The following INTS4 variants were observed in gnomAD, a reference collection of about 807,000 sequenced individuals.
INTS4 encodes the protein MSTP093.
INTS4 carries 70 observed loss-of-function variants against 119.5 expected under a neutral mutation model. That is an observed-to-expected ratio of 0.59 (90% CI 0.48 to 0.71). The LOEUF (loss-of-function observed/expected upper bound fraction) is 0.71. Ranked by LOEUF, INTS4 falls within the 30% of genes least tolerant of loss-of-function variation. The pLI is 0.00. For synonymous variants in INTS4, 316 were observed against 419.6 expected (o/e 0.75, Z 3.02); for missense variants, 867 against 1,173.2 (o/e 0.74, Z 3.81).
chr11:77,943,035 C>T (rs1223848998), intron 8 of INTS4, among the ~76,000 whole-genome samples: 1 of 152,138 alleles, frequency 6.6e-6, no homozygotes, highest in Non-Finnish European at 1.5e-5. Context: ...TAAATAAGAA[C>T]TATAAACGCT....
intron 4 of INTS4, among the ~76,000 whole-genome samples, chr11:77,971,204 A>G (rs1404863779): frequency 6.6e-6 from 1 of 152,096 alleles, no homozygotes; most frequent in Non-Finnish European, 1.5e-5. Context: ...GCACTGGATT[A>G]TTAGATTTTT....
chr11:77,925,877 C>T (rs1327719096), intron 11 of INTS4, among the ~76,000 whole-genome samples: 1 of 152,194 alleles, frequency 6.6e-6, no homozygotes, highest in African/African-American at 2.4e-5. Context: ...GTTATTCTCC[C>T]AGTCTTCACA....
chr11:77,900,250 C>G (rs543764692), intron 18 of INTS4, among the ~76,000 whole-genome samples: 1 of 152,034 alleles, frequency 6.6e-6, no homozygotes, highest in African/African-American at 2.4e-5. Flanking sequence ...CTGGTGCATG[C>G]CACCATGCCC....
chr11:77,933,368 G>A (rs1019038805), intron 10 of INTS4, among the ~76,000 whole-genome samples: 7 of 146,524 alleles, frequency 4.8e-5, no homozygotes, highest in African/African-American at 7.7e-5. Flanking sequence ...GATTGCAGGC[G>A]CGCGCCGCCA....
At chr11:77,922,214 T>G (rs1953379442) in intron 13 of INTS4, 142 bp downstream of exon 13, 1 of 974,184 alleles carries the variant, frequency 1.0e-6, no homozygotes, top group African/African-American at 1.9e-5. Flanking sequence ...GGTGACAGAA[T>G]GAGACTCTGT....
Position 77,930,187 on chromosome 11 carries a change from T to C in INTS4, c.1166-1640A>G, listed in dbSNP as rs554961230. Among the ~76,000 whole-genome samples the C allele has an allele frequency of 2.2e-3, 336 of 152,308 alleles. 2 individuals are homozygous for C. Among genetic ancestry groups the C allele is most frequent in the Non-Finnish European group, 3.5e-3 (241 of 68,024 alleles). ...ATTCCCATATGCTTCTGTAACAAAA[T>C]GGACTATTCCAAAACAAAATAAAAC... On this transcript the variant is annotated intron_variant, in intron 10 of 22. Coordinates refer to ENST00000534064, the MANE Select transcript of INTS4 (RefSeq NM_033547.4).
chr11:77,909,755 T>C (rs567136525), intron 15 of INTS4, among the ~76,000 whole-genome samples: 1 of 152,388 alleles, frequency 6.6e-6, no homozygotes, highest in South Asian at 2.1e-4. Flanking sequence ...GAAAGTGTCA[T>C]ACACAAATAA....
intron 8 of INTS4, among the ~76,000 whole-genome samples, chr11:77,943,173 T>C (rs1422814569): frequency 1.3e-5 from 2 of 152,154 alleles, no homozygotes; most frequent in Non-Finnish European, 2.9e-5. Context: ...CCTCCTCCAA[T>C]GCCCTCAACT....
chr11:77,874,999 G>A (rs936629760), downstream of INTS4, among the ~76,000 whole-genome samples: 1 of 150,010 alleles, frequency 6.7e-6, no homozygotes, highest in African/African-American at 2.5e-5. Context: ...GTGAGATCGT[G>A]CCACTGCACT....
chr11:77,965,172 C>A (rs917626275), intron 4 of INTS4, among the ~76,000 whole-genome samples: 3 of 152,108 alleles, frequency 2.0e-5, no homozygotes, highest in African/African-American at 7.2e-5. Context: ...AAGCAATCCT[C>A]CTGACTCAGC....
intron 4 of INTS4, among the ~76,000 whole-genome samples, chr11:77,968,793 T>C (rs1855596377): frequency 6.6e-6 from 1 of 152,116 alleles, no homozygotes; most frequent in African/African-American, 2.4e-5. Context: ...ATATCCTTGG[T>C]ATATATCCAA....
downstream of INTS4, among the ~76,000 whole-genome samples, chr11:77,875,121 A>G (rs746745169): frequency 7.2e-5 from 11 of 152,228 alleles, no homozygotes; most frequent in South Asian, 2.1e-4. Flanking sequence ...GCTGAGTTCA[A>G]TCATCTCAAA....
rs1194893974 is a variant in INTS4 at position 77,911,445 on chromosome 11, T to C, written c.1923-3635A>G. Among the ~76,000 whole-genome samples, 8 of 152,358 alleles carry C rather than the reference T, an allele frequency of 5.3e-5. No individual in the cohort carries two copies. The East Asian group carries it at 1.5e-3, about 29-fold the overall frequency. The stretch of plus-strand genomic sequence containing the variant: ...TTGTGTTTCCTCTCCAGGAAGATTC[T>C]GCCTTCTATGACAATTATACAGAAT... On this transcript the variant is annotated intron_variant, in intron 15 of 22. Coordinates refer to ENST00000534064, the MANE Select transcript of INTS4 (RefSeq NM_033547.4).
At chr11:77,940,425 T>G (rs112541757) in intron 9 of INTS4, among the ~76,000 whole-genome samples, 1 of 151,988 alleles carries the variant, frequency 6.6e-6, no homozygotes, top group African/African-American at 2.4e-5. Flanking sequence ...AGTGAGACCC[T>G]GTTTCAAAAA....
At chr11:77,908,555 C>A (rs1953017597) in intron 15 of INTS4, among the ~76,000 whole-genome samples, 1 of 152,188 alleles carries the variant, frequency 6.6e-6, no homozygotes, top group Admixed American at 6.5e-5. Flanking sequence ...TCTCAAGCTC[C>A]TGACCTCGTG....
chr11:77,976,827 CA>C (rs1267985077), intron 4 of INTS4, among the ~76,000 whole-genome samples: 1 of 151,106 alleles, frequency 6.6e-6, no homozygotes, highest in Non-Finnish European at 1.5e-5. Context: ...ATTGCAAGGA[CA>C]AAAAACCAAA....
rs745900673 is a variant in INTS4, at chr11:77,891,411, G to C, written c.2500C>G (p.Pro834Ala). Residue 834 changes from proline (P) to alanine (A), a missense_variant, in exon 21 of 23, where the codon CCT (proline) becomes GCT (alanine). Pro to Ala is a conservative substitution (Grantham distance 27). Transcript: ENST00000534064. Reference sequence around the variant, plus strand: ...ACCAACCCAGAGGTAAACCGCAAAGGGTTGTCTGACTCGCCCGCTGGCTCG... The same window carrying C: ...ACCAACCCAGAGGTAAACCGCAAAGCGTTGTCTGACTCGCCCGCTGGCTCG... ...IIEPAGESDNPLRFTSGLVVA... is the reference protein window; with the variant it reads ...IIEPAGESDNALRFTSGLVVA... 32 of 1,613,362 alleles carry C rather than the reference G, an allele frequency of 2.0e-5. No individual in the cohort carries two copies. The South Asian group carries it at 2.3e-4, about 12-fold the overall frequency.
In INTS4 at chr11:77,903,367, T is replaced by C. The variant is rs574126703; in HGVS notation, c.2097+173A>G. On this transcript the variant is annotated intron_variant, in intron 17 of 22. Transcript: ENST00000534064. ...AAGGTCTGAATAAGCTTACCTGTGTTGCTGCTGCTGAGGCCAAATCACTCT... is the reference window on the plus strand; with the variant it reads ...AAGGTCTGAATAAGCTTACCTGTGTCGCTGCTGCTGAGGCCAAATCACTCT... Among the ~76,000 whole-genome samples, 19 of 147,202 alleles carry C rather than the reference T, an allele frequency of 1.3e-4. No homozygotes were observed. The highest frequency in any genetic ancestry group is 2.2e-4 in the South Asian group (1 of 4,640).
chr11:77,952,116 T>C (rs1032062287), intron 8 of INTS4, among the ~76,000 whole-genome samples: 1 of 152,230 alleles, frequency 6.6e-6, no homozygotes, highest in Non-Finnish European at 1.5e-5. Context: ...ATTAATTAAT[T>C]TTTAATGAAA....
Sources: allele counts gnomAD v4.1 joint callset (sites outside exome capture counted in the v4.1 genomes callset), GRCh38; gene constraint gnomAD v4.1.1; transcripts MANE v1.5; gene names NCBI Gene and HGNC (gene_info 2026-07-23, HGNC 2026-07-21).